The following PCDH9 variants were observed in gnomAD, a reference collection of about 807,000 sequenced individuals.
PCDH9 encodes the protein protocadherin 9.
A neutral mutation model predicts 70.6 loss-of-function variants in PCDH9; 24 were observed. The observed-to-expected ratio is 0.34, with a 90% CI of 0.25 to 0.48. PCDH9 has a LOEUF of 0.48. Ranked by LOEUF, PCDH9 falls within the 20% of genes least tolerant of loss-of-function variation. PCDH9 has a pLI of 0.99. For missense variants in PCDH9, 1,281 were observed against 1,503.6 expected, an observed-to-expected ratio of 0.85 and a Z score of 2.45; for synonymous variants, 562 against 558.5, an observed-to-expected ratio of 1.01 and a Z score of -0.09.
At chr13:67,145,489 CAAG>C (rs1163177732) in intron 2 of PCDH9, among the ~76,000 whole-genome samples, 2 of 151,858 alleles carry the variant, frequency 1.3e-5, no homozygotes, top group Non-Finnish European at 2.9e-5. Context: ...TTCTTAATAA[CAAG>C]AAGAGACTAT....
At chr13:66,819,101 A>C (rs925547713) in intron 3 of PCDH9, among the ~76,000 whole-genome samples, 4 of 152,282 alleles carry the variant, frequency 2.6e-5, no homozygotes, top group Non-Finnish European at 4.4e-5. Context: ...AAACCAACAG[A>C]TATATTCCAG....
intron 4 of PCDH9, among the ~76,000 whole-genome samples, chr13:66,606,941 G>T (rs1384969719): frequency 6.6e-6 from 1 of 151,960 alleles, no homozygotes; most frequent in Non-Finnish European, 1.5e-5. Flanking sequence ...CTAGATGGTG[G>T]TAATCCTTCT....
intron 3 of PCDH9, among the ~76,000 whole-genome samples, chr13:66,781,906 A>G (rs2139299936): frequency 6.6e-6 from 1 of 152,238 alleles, no homozygotes; most frequent in South Asian, 2.1e-4. Context: ...GCCTCTAGGC[A>G]CTCTGAAAAT....
intron 3 of PCDH9, among the ~76,000 whole-genome samples, chr13:66,660,741 T>C (rs142207865): frequency 2.8e-4 from 42 of 152,120 alleles, no homozygotes; most frequent in African/African-American, 1.0e-3. Context: ...AGAAAGAAAA[T>C]AGAAGGGAGG....
chr13:67,190,331 A>C (rs954107928), intron 2 of PCDH9, among the ~76,000 whole-genome samples: 21 of 152,036 alleles, frequency 1.4e-4, no homozygotes, highest in African/African-American at 4.6e-4. Flanking sequence ...ACAGAATATC[A>C]ATGTTTGTTA....
At chr13:66,726,081 A>AT (rs146712677) in intron 3 of PCDH9, among the ~76,000 whole-genome samples, 3 of 152,170 alleles carry the variant, frequency 2.0e-5, no homozygotes, top group Non-Finnish European at 4.4e-5. Context: ...ATCTATTTCT[A>AT]TTTTTTTAGA....
intron 2 of PCDH9, among the ~76,000 whole-genome samples, chr13:67,140,639 C>T (rs2087358593): frequency 6.6e-6 from 1 of 152,128 alleles, no homozygotes; most frequent in Non-Finnish European, 1.5e-5. Flanking sequence ...TGGGATGGAA[C>T]CTATACCTGG....
chr13:66,983,263 T>C (rs745327096), intron 2 of PCDH9, among the ~76,000 whole-genome samples: 4 of 151,966 alleles, frequency 2.6e-5, no homozygotes, highest in African/African-American at 4.8e-5. Flanking sequence ...ATAAAAATAA[T>C]AAATGAGATT....
chr13:66,625,377 T>C (rs1427484521), intron 4 of PCDH9, among the ~76,000 whole-genome samples: 1 of 152,170 alleles, frequency 6.6e-6, no homozygotes, highest in Non-Finnish European at 1.5e-5. Context: ...TTGCATTTCC[T>C]GTAAGAACGG....
Position 67,172,870 on chromosome 13 carries a change from T to C in PCDH9, c.3036+52535A>G, listed in dbSNP as rs1176744411. Among the ~76,000 whole-genome samples, 5 of 75,246 alleles carry C rather than the reference T, an allele frequency of 6.6e-5. 1 individual carries two copies. Among genetic ancestry groups the C allele is most frequent in the Non-Finnish European group, 9.8e-5 (4 of 40,816 alleles). The allele number at this position is 75,246 out of a possible 152,430, so 49.4% of individuals were successfully genotyped here. On this transcript the variant is annotated intron_variant, in intron 2 of 4. Coordinates refer to ENST00000377865, the MANE Select transcript of PCDH9 (RefSeq NM_203487.3). ...TCCAGCCTGGGAGACAGAGCGAGAC[T>C]CCATCTCAAAAAAAAAAAAAAAAAA...
intron 4 of PCDH9, among the ~76,000 whole-genome samples, chr13:66,393,485 A>C (rs1424224404): frequency 6.6e-6 from 1 of 152,186 alleles, no homozygotes; most frequent in Non-Finnish European, 1.5e-5. Context: ...AACAACACTG[A>C]ACATAATGCA....
At chr13:66,939,084 G>A (rs981212254) in intron 2 of PCDH9, among the ~76,000 whole-genome samples, 3 of 150,818 alleles carry the variant, frequency 2.0e-5, no homozygotes, top group African/African-American at 7.3e-5. Context: ...TGGGCCCAAT[G>A]TTTTTTTTTC....
At chr13:66,475,169 A>G (rs541349137) in intron 4 of PCDH9, among the ~76,000 whole-genome samples, 8 of 152,248 alleles carry the variant, frequency 5.3e-5, no homozygotes, top group African/African-American at 7.2e-5. Flanking sequence ...CACAGCACAG[A>G]GGAAAGCATT....
At chr13:66,531,972 T>G (rs1224972784) in intron 4 of PCDH9, among the ~76,000 whole-genome samples, 1 of 152,058 alleles carries the variant, frequency 6.6e-6, no homozygotes, top group Non-Finnish European at 1.5e-5. Context: ...TAAGACATTA[T>G]TTGTGTTCTG....
At chr13:66,356,550 C>CA (rs1213049262) in intron 4 of PCDH9, among the ~76,000 whole-genome samples, 8 of 150,934 alleles carry the variant, frequency 5.3e-5, no homozygotes, top group South Asian at 2.1e-4. Context: ...TTTTTCACTC[C>CA]AAAAAAAATG....
Position 66,541,324 on chromosome 13 carries a change from G to A in PCDH9, c.3340+89886C>T, listed in dbSNP as rs117505003. 6.9e-3 allele frequency among the ~76,000 whole-genome samples: 1,057 copies of A among 152,130 alleles called. 7 individuals carry two copies. Among genetic ancestry groups the A allele is most frequent in the Non-Finnish European group, 0.01 (697 of 68,006 alleles). ...GTAGAGAAACCTCCAGGTGTTAAGA[G>A]TAATGAGAGTATATTCATTATTAGT... On this transcript the variant is annotated intron_variant, in intron 4 of 4. Coordinates refer to ENST00000377865, the MANE Select transcript of PCDH9 (RefSeq NM_203487.3).
At chr13:67,096,748 T>C (rs549515009) in intron 2 of PCDH9, among the ~76,000 whole-genome samples, 1 of 152,250 alleles carries the variant, frequency 6.6e-6, no homozygotes, top group African/African-American at 2.4e-5. Flanking sequence ...TAAAAGTCTG[T>C]AAAACTCTGG....
chr13:66,697,378 G>C (rs2078578147), intron 3 of PCDH9, among the ~76,000 whole-genome samples: 2 of 151,964 alleles, frequency 1.3e-5, no homozygotes, highest in South Asian at 4.2e-4. Flanking sequence ...AAAGATTACA[G>C]GCTCTCACAT....
chr13:67,118,806 T>C (rs1264175795), intron 2 of PCDH9, among the ~76,000 whole-genome samples: 3 of 152,142 alleles, frequency 2.0e-5, no homozygotes, highest in Non-Finnish European at 2.9e-5. Context: ...CTACAACCTA[T>C]TTATCCTAAA....
Sources: gnomAD v4.1 joint callset for allele counts (sites outside exome capture counted in the v4.1 genomes callset) on GRCh38, gnomAD v4.1.1 for gene constraint, MANE v1.5 for transcripts, NCBI Gene and HGNC (gene_info 2026-07-23, HGNC 2026-07-21) for gene names.